CDC5L: variants seen among roughly 807,000 people sequenced by gnomAD.
CDC5L encodes the protein cell division cycle 5 like.
CDC5L carries 18 observed loss-of-function variants against 104.1 expected under a neutral mutation model. That is an observed-to-expected ratio of 0.17 (90% confidence interval 0.12 to 0.26). CDC5L has a LOEUF of 0.26. CDC5L is among the 10% of genes least tolerant of loss of function. The probability of loss-of-function intolerance (pLI) is 1.00; values close to 1 mark genes in which losing one functional copy is unlikely to be tolerated. For missense variants in CDC5L, 673 were observed against 956.9 expected, an observed-to-expected ratio of 0.70 and a Z score of 3.91; for synonymous variants, 331 against 322.7, an observed-to-expected ratio of 1.03 and a Z score of -0.28.
Position 44,416,225 on chromosome 6 carries a change from G to A in CDC5L, c.1093-3224G>A, listed in dbSNP as rs971929277. Among the ~76,000 whole-genome samples, 5 of 152,260 alleles carry A rather than the reference G, an allele frequency of 3.3e-5. No homozygotes were observed. The East Asian group carries it at 9.6e-4, about 29-fold the overall frequency. On this transcript the variant is annotated intron_variant, in intron 8 of 15. Coordinates refer to ENST00000371477, the MANE Select transcript of CDC5L (RefSeq NM_001253.4). ...CATATACAGTTATGGGAAAAGCAGGGCATTAAAGGTCTGAAAAGGAGTGTT... is the reference window on the plus strand; with the variant it reads ...CATATACAGTTATGGGAAAAGCAGGACATTAAAGGTCTGAAAAGGAGTGTT...
chr6:44,394,110 C>T (rs551461203), intron 4 of CDC5L, among the ~76,000 whole-genome samples: 46 of 152,074 alleles, frequency 3.0e-4, no homozygotes, highest in Non-Finnish European at 4.9e-4. Context: ...TTAAGTGTTA[C>T]GGGGTGTGGT....
intron 14 of CDC5L, among the ~76,000 whole-genome samples, chr6:44,443,715 G>A (rs1184082189): frequency 6.6e-6 from 1 of 151,316 alleles, no homozygotes; most frequent in Non-Finnish European, 1.5e-5. Flanking sequence ...GTCTCTTTGT[G>A]GAAGTTCTTA....
intron 7 of CDC5L, among the ~76,000 whole-genome samples, chr6:44,406,701 G>C (rs1561970660): frequency 6.6e-6 from 1 of 152,208 alleles, no homozygotes; most frequent in Non-Finnish European, 1.5e-5. Flanking sequence ...GAGGTCAGGA[G>C]TTCAAGACAG....
chr6:44,425,754 TA>T (rs1445530270), intron 11 of CDC5L, among the ~76,000 whole-genome samples: 4 of 152,184 alleles, frequency 2.6e-5, no homozygotes, highest in Non-Finnish European at 5.9e-5. Context: ...CTTTTTGAGT[TA>T]AAAGTCAGTA....
chr6:44,416,886 C>G (rs912238181), intron 8 of CDC5L, among the ~76,000 whole-genome samples: 1 of 152,180 alleles, frequency 6.6e-6, no homozygotes, highest in African/African-American at 2.4e-5. Flanking sequence ...AGCCTACATA[C>G]GTTTCTTTCT....
In CDC5L at chr6:44,424,479, G is replaced by T; in HGVS notation, c.1465G>T (p.Asp489Tyr). The T allele has an allele frequency of 6.2e-7, 1 of 1,613,938 alleles. No homozygotes were observed. The highest frequency in any genetic ancestry group is 8.5e-7 in the Non-Finnish European group (1 of 1,179,888). The change falls in exon 11 of 16, where the codon GAT (aspartate) becomes TAT (tyrosine). Residue 489 changes from aspartate (D) to tyrosine (Y), a missense_variant. By Grantham distance (160) the Asp-to-Tyr change is radical. Coordinates refer to ENST00000371477, the MANE Select transcript of CDC5L (RefSeq NM_001253.4). The part of the protein sequence containing the change: ...GLLGLPAPKN[D>Y]FEIVLPENAE... ...GTTGGGCCTTCCTGCCCCTAAGAAT[G>T]ATTTTGAAATTGTTCTACCAGAAAA... is the stretch of plus-strand genomic sequence containing the variant.
chr6:44,405,388 A>G (rs1791318766), intron 6 of CDC5L, among the ~76,000 whole-genome samples: 1 of 152,172 alleles, frequency 6.6e-6, no homozygotes, highest in Non-Finnish European at 1.5e-5. Flanking sequence ...GAACAGGAAA[A>G]CTATTCATTT....
At chr6:44,397,366 A>G (rs1790917083) in intron 5 of CDC5L, among the ~76,000 whole-genome samples, 1 of 152,254 alleles carries the variant, frequency 6.6e-6, no homozygotes, top group Non-Finnish European at 1.5e-5. Flanking sequence ...TGCATGATTT[A>G]TTAACCCGTT....
In CDC5L at chr6:44,408,522, G is replaced by A. The variant is rs1448545286; in HGVS notation, c.982G>A (p.Gly328Ser). ...TGCACGTCAAACTGCCGAGGAATCTGGCATAACAAATTCTGCTTCCAGTAC... is the reference window on the plus strand; with the variant it reads ...TGCACGTCAAACTGCCGAGGAATCTAGCATAACAAATTCTGCTTCCAGTAC... The part of the protein sequence containing the change: ...EIARQTAEES[G>S]ITNSASSTLL... The change falls in exon 8 of 16, where the codon GGC becomes AGC. Residue 328 changes from glycine to serine, a missense_variant. Gly to Ser is a moderately conservative substitution (Grantham distance 56, BLOSUM62 0). This residue lies in a region of CDC5L where 578 missense variants were observed against 737.0 expected (regional missense o/e 0.78). Coordinates refer to ENST00000371477, the MANE Select transcript of CDC5L (RefSeq NM_001253.4). 1 of 1,613,820 alleles carries A rather than the reference G, an allele frequency of 6.2e-7. No homozygotes were observed. Among genetic ancestry groups the A allele is most frequent in the African/African-American group, 1.3e-5 (1 of 74,912 alleles).
chr6:44,396,929 A>G (rs1376374019), intron 5 of CDC5L, among the ~76,000 whole-genome samples: 2 of 152,076 alleles, frequency 1.3e-5, no homozygotes, highest in Non-Finnish European at 2.9e-5. Context: ...GGGATATGCC[A>G]CCCTCCCAGC....
At chr6:44,388,793 G>A (rs1057132693) in intron 1 of CDC5L, among the ~76,000 whole-genome samples, 1 of 151,030 alleles carries the variant, frequency 6.6e-6, no homozygotes, top group Non-Finnish European at 1.5e-5. Context: ...TTGCACCCCC[G>A]ATATTCTCAT....
chr6:44,412,984 G>A (rs553494335), intron 8 of CDC5L, among the ~76,000 whole-genome samples: 9 of 151,186 alleles, frequency 6.0e-5, no homozygotes, highest in South Asian at 2.1e-4. Flanking sequence ...GGGTTTCACC[G>A]TTTTAGCTGG....
At chr6:44,401,806 C>G (rs1447221504) in intron 5 of CDC5L, among the ~76,000 whole-genome samples, 1 of 150,324 alleles carries the variant, frequency 6.7e-6, no homozygotes, top group Non-Finnish European at 1.5e-5. Context: ...CCTCCCCTCT[C>G]CCCCCACCCC....
At chr6:44,440,944 G>A (rs1230762600) in intron 14 of CDC5L, among the ~76,000 whole-genome samples, 5 of 152,108 alleles carry the variant, frequency 3.3e-5, no homozygotes, top group African/African-American at 9.7e-5. Flanking sequence ...CTAACCTCAA[G>A]TGATCCATCC....
chr6:44,428,997 G>A (rs868003474), intron 13 of CDC5L, among the ~76,000 whole-genome samples: 4 of 149,272 alleles, frequency 2.7e-5, no homozygotes, highest in Middle Eastern at 3.5e-3. Flanking sequence ...GAATCTCTAT[G>A]AGCCTTAGTT....
At chr6:44,425,477 C>A (rs1475767668) in intron 11 of CDC5L, among the ~76,000 whole-genome samples, 2 of 152,122 alleles carry the variant, frequency 1.3e-5, no homozygotes, top group Admixed American at 6.5e-5. Context: ...TATTTTATGA[C>A]CCCTTTCAGT....
At chr6:44,410,044 T>C (rs1177091377) in intron 8 of CDC5L, among the ~76,000 whole-genome samples, 1 of 152,160 alleles carries the variant, frequency 6.6e-6, no homozygotes, top group Non-Finnish European at 1.5e-5. Flanking sequence ...CTGGTTAACA[T>C]GGGCATTACT....
At chr6:44,432,844 A>T (rs1373561443) in intron 14 of CDC5L, among the ~76,000 whole-genome samples, 1 of 152,116 alleles carries the variant, frequency 6.6e-6, no homozygotes, top group African/African-American at 2.4e-5. Context: ...TGTGTAAAAT[A>T]AGACAGCAAG....
chr6:44,388,661 A>G (rs1583103759), intron 1 of CDC5L, among the ~76,000 whole-genome samples: 1 of 146,648 alleles, frequency 6.8e-6, no homozygotes, highest in South Asian at 2.1e-4. Context: ...TTTTTTCGTT[A>G]CATTTTATGG....
Sources: allele counts gnomAD v4.1 joint callset (sites outside exome capture counted in the v4.1 genomes callset), GRCh38; gene constraint gnomAD v4.1.1; regional missense constraint gnomAD v4.1.1; transcripts MANE v1.5; gene names NCBI Gene and HGNC (gene_info 2026-07-23, HGNC 2026-07-21).